Variants in MYH2 observed in about 807,000 individuals in gnomAD.
The protein encoded by MYH2 is myosin-2.
A neutral mutation model predicts 228.1 loss-of-function variants in MYH2; 139 were observed. The observed-to-expected ratio is 0.61, with a 90% CI of 0.53 to 0.70. The LOEUF (loss-of-function observed/expected upper bound fraction) is 0.70, where lower values mean the gene tolerates loss of function less well. MYH2 is among the 30% of genes least tolerant of loss of function. The probability of loss-of-function intolerance (pLI) is 0.00; values close to 1 mark genes in which losing one functional copy is unlikely to be tolerated. For synonymous variants in MYH2, 796 were observed against 871.1 expected (o/e 0.91, Z 1.52); for missense variants, 1,809 against 2,357.5 (o/e 0.77, Z 4.82).
chr17:10,530,135 G>A, intron 22 of MYH2, 61 bp from the exon 23 acceptor site: 1 of 1,611,444 alleles, frequency 6.2e-7, no homozygotes, highest in Non-Finnish European at 8.5e-7. Flanking sequence ...CAATGGATAA[G>A]AGTGTATGTT....
At chr17:10,540,168 A>G (rs1849005015) in intron 11 of MYH2, 102 bp from the exon 12 acceptor site, 2 of 1,509,032 alleles carry the variant, frequency 1.3e-6, no homozygotes, top group Non-Finnish European at 1.8e-6. Flanking sequence ...ACCAGTGCTA[A>G]TGGGAGACAA....
Position 10,529,372 on chromosome 17 carries a change from T to A in MYH2, c.3227A>T (p.Glu1076Val). 1 of 1,614,134 alleles carries A rather than the reference T, an allele frequency of 6.2e-7. No individual in the cohort carries two copies. The highest frequency in any genetic ancestry group is 1.1e-5 in the South Asian group (1 of 91,086). The change falls in exon 25 of 40, where the codon GAA becomes GTA. Residue 1076 changes from glutamate (E) to valine (V), a missense_variant. Transcript: ENST00000245503. The stretch of plus-strand genomic sequence containing the variant: ...TTCATCAAGTTGCTGTTTCTCATTT[T>A]CAATGTCCATTATGGATTCTTGGGC... ...KLAQESIMDIENEKQQLDEKL... is the reference protein window; with the variant it reads ...KLAQESIMDIVNEKQQLDEKL...
chr17:10,525,633 T>C lies in MYH2; in HGVS notation c.4372-17A>G. On this transcript the variant is annotated splice_polypyrimidine_tract_variant and intron_variant, in intron 31 of 39. Coordinates refer to ENST00000245503, the MANE Select transcript of MYH2 (RefSeq NM_017534.6). This position sits in a 1 kb window ranked among gnomAD's most constrained non-coding sequence, Gnocchi z 4.2. The stretch of plus-strand genomic sequence containing the variant: ...TGCCAGGATCTGAAAAACCAAGACC[T>C]GTTACCTGCTGCAAAGACAAAAGAG... 1 of 1,614,106 alleles carries C rather than the reference T, an allele frequency of 6.2e-7. No individual in the cohort carries two copies. Among genetic ancestry groups the C allele is most frequent in the Non-Finnish European group, 8.5e-7 (1 of 1,180,014 alleles).
chr17:10,528,840 C>G lies in MYH2; in HGVS notation c.3594G>C (p.Leu1198=), dbSNP rs754257987. The G allele has an allele frequency of 2.5e-6, 4 of 1,614,224 alleles. No individual in the cohort carries two copies. The highest frequency in any genetic ancestry group is 3.4e-6 in the Non-Finnish European group (4 of 1,180,044). Residue 1198 remains leucine, a synonymous_variant, in exon 27 of 40, where the codon CTG becomes CTC. Transcript: ENST00000245503. ...TLQHEATAAT[L]RKKHADSVAE... is the part of the protein sequence containing the mutation. ...CCACACTATCTGCATGCTTCTTCCTCAGGGTGGCCGCTGTGGCTTCATGCT... is the reference window on the plus strand; with the variant it reads ...CCACACTATCTGCATGCTTCTTCCTGAGGGTGGCCGCTGTGGCTTCATGCT...
At position 10,533,509 on chromosome 17, in the gene MYH2, C is replaced by G; in HGVS notation, c.2304G>C (p.Lys768Asn). The change falls in exon 20 of 40, where the codon AAG becomes AAC. Residue 768 changes from lysine (K) to asparagine (N), a missense_variant and splice_region_variant. This residue lies in a region of MYH2 where 276 missense variants were observed against 344.2 expected (regional missense o/e 0.80). Coordinates refer to ENST00000245503, the MANE Select transcript of MYH2 (RefSeq NM_017534.6). ...TCAGGTAGGATTTACAGAAAATTACCTTGGTGTGCCCAAATTTATACTGGG... is the reference window on the plus strand; with the variant it reads ...TCAGGTAGGATTTACAGAAAATTACGTTGGTGTGCCCAAATTTATACTGGG... ...DHTQYKFGHT[K>N]VFFKAGLLGL... is the part of the protein sequence containing the mutation. 6.2e-7 allele frequency: 1 copy of G among 1,614,118 alleles called. No individual in the cohort carries two copies. The highest frequency in any genetic ancestry group is 8.5e-7 in the Non-Finnish European group (1 of 1,180,022).
At chr17:10,531,298 A>G (rs188270197) in intron 22 of MYH2, among the ~76,000 whole-genome samples, 2 of 152,312 alleles carry the variant, frequency 1.3e-5, no homozygotes, top group Non-Finnish European at 1.5e-5. Flanking sequence ...TCTCCATGCT[A>G]TCCTCCCCTT....
chr17:10,536,624 AAAG>A lies in MYH2; in HGVS notation c.1898-21_1898-19del. The A allele has an allele frequency of 1.2e-6, 2 of 1,607,932 alleles. No individual in the cohort carries two copies. The highest frequency in any genetic ancestry group is 1.1e-5 in the South Asian group (1 of 90,722). On this transcript the variant is annotated intron_variant, in intron 16 of 39. Transcript: ENST00000245503. ...AGCTCCCTCTGAAGAAAAAGGAAGA[AAAG>A]AAATACTGTTTTGAATTGGCAGGGC...
At chr17:10,538,758 G>A (rs1429303719) in intron 14 of MYH2, among the ~76,000 whole-genome samples, 1 of 150,756 alleles carries the variant, frequency 6.6e-6, no homozygotes, top group Non-Finnish European at 1.5e-5. Context: ...AGTTTTGCTT[G>A]TATAATTAGA....
chr17:10,545,652 C>T, intron 4 of MYH2, 150 bp from the exon 5 acceptor site: 3 of 1,071,974 alleles, frequency 2.8e-6, no homozygotes, highest in Non-Finnish European at 4.1e-6. Context: ...GCAGCCCCAA[C>T]CTCCCGGGCT....
At position 10,548,854 on chromosome 17, in the gene MYH2, A is replaced by G. The variant is rs904001009; in HGVS notation, c.-21+521T>C. On this transcript the variant is annotated intron_variant, in intron 2 of 39. Transcript: ENST00000245503. ...ATCAAATTACTTGAAACTCATTTGA[A>G]TCGTCTCTTCTAGTCTCTCCCTTTA... Among the ~76,000 whole-genome samples the G allele has an allele frequency of 2.6e-5, 4 of 152,196 alleles. No individual in the cohort carries two copies. The East Asian group carries it at 5.8e-4, about 22-fold the overall frequency.
rs181340024 is a variant in MYH2 at position 10,533,272 on chromosome 17, A to C, written c.2441+13T>G. The C allele has an allele frequency of 6.2e-7, 1 of 1,614,048 alleles. No individual in the cohort carries two copies. Among genetic ancestry groups the C allele is most frequent in the African/African-American group, 1.3e-5 (1 of 75,046 alleles). On this transcript the variant is annotated intron_variant, in intron 21 of 39. Coordinates refer to ENST00000245503, the MANE Select transcript of MYH2 (RefSeq NM_017534.6). The stretch of plus-strand genomic sequence containing the variant: ...TTGAAGATGGAATATGTGAATAAAC[A>C]TATTTTTTATACCTTCTCTCCACCA...
At chr17:10,542,039 C>T (rs115464990) in intron 10 of MYH2, among the ~76,000 whole-genome samples, 102 of 152,280 alleles carry the variant, frequency 6.7e-4, no homozygotes, top group African/African-American at 2.3e-3. Context: ...TTTGAGAGGC[C>T]AAGGTGGCCA....
In MYH2 at chr17:10,527,817, T is replaced by C; in HGVS notation, c.3802A>G (p.Lys1268Glu). ...LEDQLSELKS[K>E]EEEQQRLIND... ...ATCAGCCGCTGCTGCTCCTCTTCCT[T>C]TGATTTCAGTTCACTCAGTTGGTCC... Residue 1268 changes from lysine (K) to glutamate (E), a missense_variant, in exon 28 of 40, where the codon AAG becomes GAG. Coordinates refer to ENST00000245503, the MANE Select transcript of MYH2 (RefSeq NM_017534.6). The C allele has an allele frequency of 6.2e-7, 1 of 1,614,094 alleles. No individual in the cohort carries two copies. The highest frequency in any genetic ancestry group is 8.5e-7 in the Non-Finnish European group (1 of 1,180,024).
At chr17:10,540,418 G>A (rs1298140583) in intron 11 of MYH2, among the ~76,000 whole-genome samples, 176 bp downstream of exon 11, 1 of 151,996 alleles carries the variant, frequency 6.6e-6, no homozygotes, top group East Asian at 1.9e-4. Flanking sequence ...AACAATGTAA[G>A]GGGTAAGCAA....
In MYH2 at chr17:10,525,779, T is replaced by A; in HGVS notation, c.4285A>T (p.Asn1429Tyr). 4 of 1,614,172 alleles carry A rather than the reference T, an allele frequency of 2.5e-6. No homozygotes were observed. The highest frequency in any genetic ancestry group is 3.4e-6 in the Non-Finnish European group (4 of 1,180,012). Residue 1429 changes from asparagine to tyrosine, a missense_variant, in exon 31 of 40, where the codon AAT becomes TAT. This residue lies in a region of MYH2 where 636 missense variants were observed against 729.9 expected (regional missense o/e 0.87). Coordinates refer to ENST00000245503, the MANE Select transcript of MYH2 (RefSeq NM_017534.6). This position sits in a 1 kb window ranked among gnomAD's most constrained non-coding sequence, Gnocchi z 4.2. ...TCAAGCATGAGGTCCTCGACCTCATTCTGCAGCCGCTGCTTCGTCTTTTCG... is the reference window on the plus strand; with the variant it reads ...TCAAGCATGAGGTCCTCGACCTCATACTGCAGCCGCTGCTTCGTCTTTTCG... ...SLEKTKQRLQ[N>Y]EVEDLMLDVE...
rs554267084 is a variant in MYH2, at chr17:10,527,688, T to C, written c.3871+60A>G. 13 of 1,611,582 alleles carry C rather than the reference T, an allele frequency of 8.1e-6. No individual in the cohort carries two copies. In the East Asian group the frequency reaches 2.7e-4, roughly 33 times the overall value. ...TTAGGCTCCCACTTCACCAAATCAGTCCGTTGTTCTTAATCACATCCTCTC... is the reference window on the plus strand; with the variant it reads ...TTAGGCTCCCACTTCACCAAATCAGCCCGTTGTTCTTAATCACATCCTCTC... On this transcript the variant is annotated intron_variant, in intron 28 of 39. Transcript: ENST00000245503.
chr17:10,534,156 C>T (rs987938737), intron 19 of MYH2, among the ~76,000 whole-genome samples: 5 of 152,202 alleles, frequency 3.3e-5, no homozygotes, highest in African/African-American at 1.2e-4. Flanking sequence ...CCTTCCCCAC[C>T]TCTGCCTTTT....
At chr17:10,540,226 G>A (rs1013258642) in intron 11 of MYH2, among the ~76,000 whole-genome samples, 160 bp from the exon 12 acceptor site, 5 of 152,086 alleles carry the variant, frequency 3.3e-5, no homozygotes, top group African/African-American at 9.7e-5. Flanking sequence ...CCAAAGGCCA[G>A]CACAGAGCAT....
intron 4 of MYH2, among the ~76,000 whole-genome samples, chr17:10,546,425 G>A (rs970309910): frequency 4.0e-5 from 6 of 151,446 alleles, no homozygotes; most frequent in Admixed American, 2.6e-4. Flanking sequence ...TAACAGCACT[G>A]GCTAAACTAT....
Sources: allele counts gnomAD v4.1 joint callset (sites outside exome capture counted in the v4.1 genomes callset), GRCh38; gene constraint gnomAD v4.1.1; regional missense constraint gnomAD v4.1.1; non-coding constraint Gnocchi (gnomAD v3.1); transcripts MANE v1.5; gene names NCBI Gene and HGNC (gene_info 2026-07-23, HGNC 2026-07-21).